PTPRD: variants seen among roughly 807,000 people sequenced by gnomAD.
The protein encoded by PTPRD is protein tyrosine phosphatase receptor type D.
PTPRD carries 34 observed loss-of-function variants against 214.5 expected under a neutral mutation model. The observed-to-expected ratio is 0.16, with a 90% CI of 0.12 to 0.21. PTPRD has a LOEUF of 0.21. Ranked by LOEUF, PTPRD falls within the 10% of genes least tolerant of loss-of-function variation. The pLI is 1.00. For synonymous variants in PTPRD, 1,128 were observed against 845.7 expected (o/e 1.33, Z -5.79); for missense variants, 2,545 against 2,398.7 (o/e 1.06, Z -1.27).
rs10958971 is a variant in PTPRD at position 10,249,208 on chromosome 9, G to A, written c.-545+91755C>T. 0.015 allele frequency among the ~76,000 whole-genome samples: 2,217 copies of A among 152,178 alleles called. 115 individuals carry two copies. In the East Asian group the frequency reaches 0.15, roughly 10 times the overall value. On this transcript the variant is annotated intron_variant, in intron 3 of 45. Transcript: ENST00000381196. ...ACTGGGAAGGAGATAGAAAAAAAAG[G>A]TTACAGCCATTAATCACTAAAGACA...
intron 19 of PTPRD, among the ~76,000 whole-genome samples, chr9:8,522,468 T>C (rs2097910981): frequency 6.6e-6 from 1 of 152,128 alleles, no homozygotes; most frequent in Non-Finnish European, 1.5e-5. Flanking sequence ...CATACAGGAT[T>C]CCATTCAATT....
At chr9:8,381,916 CCT>C (rs1299160624) in intron 37 of PTPRD, among the ~76,000 whole-genome samples, 44 of 152,148 alleles carry the variant, frequency 2.9e-4, no homozygotes, top group Admixed American at 2.9e-3. Context: ...GTGTGAGGTG[CCT>C]CTTTCTCGTG....
At chr9:9,247,165 G>C (rs764233616) in intron 9 of PTPRD, among the ~76,000 whole-genome samples, 10 of 152,072 alleles carry the variant, frequency 6.6e-5, no homozygotes, top group Non-Finnish European at 1.2e-4. Context: ...ACTCTTGTCT[G>C]ATAGCAGGTC....
At chr9:9,508,805 G>A (rs1234838541) in intron 8 of PTPRD, among the ~76,000 whole-genome samples, 2 of 151,468 alleles carry the variant, frequency 1.3e-5, no homozygotes, top group African/African-American at 4.8e-5. Flanking sequence ...CTATTCTTCA[G>A]GACGCAGCAG....
intron 4 of PTPRD, among the ~76,000 whole-genome samples, chr9:9,973,443 C>G (rs764319435): frequency 4.0e-5 from 6 of 151,892 alleles, no homozygotes; most frequent in African/African-American, 1.5e-4. Context: ...TTGCCTTGCA[C>G]CCTGGGTGAC....
At chr9:9,175,641 A>AAACAAC (rs1554913853) in intron 10 of PTPRD, among the ~76,000 whole-genome samples, 1 of 140,364 alleles carries the variant, frequency 7.1e-6, no homozygotes, top group South Asian at 2.2e-4. Flanking sequence ...AAAAAAAAAA[A>AAACAAC]AAAAAAAAAG....
intron 8 of PTPRD, among the ~76,000 whole-genome samples, chr9:9,426,782 A>G (rs552064851): frequency 1.3e-5 from 2 of 152,242 alleles, no homozygotes; most frequent in African/African-American, 2.4e-5. Context: ...CGCTGGTGAT[A>G]CCCAGGCAAA....
Position 9,270,193 on chromosome 9 carries a change from T to A in PTPRD, c.-202-86830A>T, listed in dbSNP as rs146957825. Among the ~76,000 whole-genome samples the A allele has an allele frequency of 5.0e-3, 763 of 151,342 alleles. 5 individuals are homozygous for A. Among genetic ancestry groups the A allele is most frequent in the Middle Eastern group, 0.034 (10 of 294 alleles). ...AAAACAAAACATCACGTTGCACACA[T>A]TAAATATGAACAATTATTATTTTCA... On this transcript the variant is annotated intron_variant, in intron 9 of 45. Coordinates refer to ENST00000381196, the MANE Select transcript of PTPRD (RefSeq NM_002839.4).
At chr9:8,450,770 G>C (rs1163880919) in intron 33 of PTPRD, among the ~76,000 whole-genome samples, 1 of 152,092 alleles carries the variant, frequency 6.6e-6, no homozygotes, top group Admixed American at 6.6e-5. Context: ...TAATCACAGA[G>C]TCCTAACTAT....
At chr9:9,685,418 T>G (rs1280304595) in intron 7 of PTPRD, among the ~76,000 whole-genome samples, 1 of 151,380 alleles carries the variant, frequency 6.6e-6, no homozygotes, top group South Asian at 2.1e-4. Context: ...ACATTTTCAA[T>G]TGAGAGTAAA....
chr9:10,049,824 A>G (rs529762720), intron 3 of PTPRD, among the ~76,000 whole-genome samples: 4 of 152,306 alleles, frequency 2.6e-5, no homozygotes, highest in African/African-American at 9.6e-5. Context: ...AAGTCCTTGT[A>G]CTTATCTAAA....
intron 9 of PTPRD, among the ~76,000 whole-genome samples, chr9:9,245,604 C>T (rs2099972676): frequency 6.6e-6 from 1 of 151,760 alleles, no homozygotes; most frequent in Non-Finnish European, 1.5e-5. Context: ...GAACATCACA[C>T]ACCAGGGCCT....
At chr9:10,093,460 T>A (rs416510) in intron 3 of PTPRD, among the ~76,000 whole-genome samples, 92,717 of 151,110 alleles carry the variant, frequency 0.61, 28,830 homozygotes, top group East Asian at 0.71. Flanking sequence ...GATCCTGGCA[T>A]GGCAGCAGAA....
At chr9:9,679,717 A>G (rs1014840286) in intron 7 of PTPRD, among the ~76,000 whole-genome samples, 7 of 151,910 alleles carry the variant, frequency 4.6e-5, no homozygotes, top group African/African-American at 1.7e-4. Flanking sequence ...TTTAAAAACT[A>G]AAAGATGTAA....
intron 11 of PTPRD, among the ~76,000 whole-genome samples, chr9:8,742,432 C>A (rs910476859): frequency 2.0e-5 from 3 of 152,096 alleles, no homozygotes; most frequent in Admixed American, 2.0e-4. Context: ...ATCATTTCTA[C>A]ATCAATATAA....
At chr9:9,017,720 C>G (rs151090709) in intron 11 of PTPRD, among the ~76,000 whole-genome samples, 10 of 152,156 alleles carry the variant, frequency 6.6e-5, no homozygotes, top group African/African-American at 2.4e-4. Flanking sequence ...TGCATGATGA[C>G]TAGAATTTTT....
chr9:9,755,023 A>G (rs1470195012), intron 6 of PTPRD, among the ~76,000 whole-genome samples: 5 of 152,054 alleles, frequency 3.3e-5, no homozygotes, highest in African/African-American at 9.6e-5. Flanking sequence ...AACCTGGAAT[A>G]TTGTACTGCA....
chr9:10,503,203 A>AAG (rs1555437259), intron 2 of PTPRD, among the ~76,000 whole-genome samples: 1 of 133,914 alleles, frequency 7.5e-6, no homozygotes, highest in East Asian at 2.0e-4. Flanking sequence ...CAAAAAAAAA[A>AAG]AAAACAAAAA....
intron 4 of PTPRD, among the ~76,000 whole-genome samples, chr9:10,031,584 G>A (rs1160194082): frequency 1.4e-5 from 2 of 142,354 alleles, no homozygotes; most frequent in African/African-American, 5.4e-5. Flanking sequence ...GCATATTGTG[G>A]GACCTTGTGA....
Sources: gnomAD v4.1 joint callset for allele counts (sites outside exome capture counted in the v4.1 genomes callset) on GRCh38, gnomAD v4.1.1 for gene constraint, MANE v1.5 for transcripts, NCBI Gene and HGNC (gene_info 2026-07-23, HGNC 2026-07-21) for gene names.